The following TMEM164 variants were observed in gnomAD, a reference collection of about 807,000 sequenced individuals.
The protein encoded by TMEM164 is transmembrane protein 164.
Under a neutral mutation model 18.8 loss-of-function variants are expected in TMEM164, and 4 were observed. That is an observed-to-expected ratio of 0.21 (90% CI 0.10 to 0.49). The LOEUF (loss-of-function observed/expected upper bound fraction) is 0.49, where lower values mean the gene tolerates loss of function less well. Among genes scored for constraint, TMEM164 ranks in the 20% least tolerant of loss-of-function variants. The pLI, the probability that TMEM164 is intolerant of heterozygous loss-of-function variation, is 0.98. For synonymous variants in TMEM164, 86 were observed against 101.7 expected (o/e 0.85, Z 0.93); for missense variants, 108 against 239.9 (o/e 0.45, Z 3.63).
At chrX:110,114,376 G>C (rs2147988662) in intron 4 of TMEM164, among the ~76,000 whole-genome samples, 1 of 111,972 alleles carries the variant, frequency 8.9e-6, no homozygotes, top group South Asian at 3.7e-4. Context: ...TAGTGTGTGA[G>C]TTCCTTGTTA....
downstream of TMEM164, among the ~76,000 whole-genome samples, chrX:110,183,383 A>C (rs941872397): frequency 8.9e-6 from 1 of 112,338 alleles, no homozygotes; most frequent in Non-Finnish European, 1.9e-5. Flanking sequence ...TAAAATCTTC[A>C]ATTATAGTTG....
At chrX:110,114,325 G>C (rs1245347230) in intron 4 of TMEM164, among the ~76,000 whole-genome samples, 1 of 111,801 alleles carries the variant, frequency 8.9e-6, no homozygotes. Context: ...TTCCTGCCTA[G>C]GCTACAAATA....
intron 2 of TMEM164, among the ~76,000 whole-genome samples, chrX:110,061,710 G>A (rs937627228): frequency 8.9e-6 from 1 of 111,988 alleles, no homozygotes; most frequent in African/African-American, 3.2e-5. Flanking sequence ...CTTGAGGGAA[G>A]CTTCTTTATA....
At chrX:110,145,061 G>T in intron 5 of TMEM164, among the ~76,000 whole-genome samples, 185 bp downstream of exon 5, 1 of 111,049 alleles carries the variant, frequency 9.0e-6, no homozygotes, top group South Asian at 3.9e-4. Flanking sequence ...CCTGCAAGGG[G>T]TCTGGGGACT....
chrX:110,071,465 A>G (rs1008114410), intron 3 of TMEM164, among the ~76,000 whole-genome samples: 1 of 110,450 alleles, frequency 9.1e-6, no homozygotes, highest in Admixed American at 9.8e-5. Context: ...ACACCCGCTG[A>G]TCATAGTATA....
At chrX:110,029,601 C>A (rs1934355019) in intron 2 of TMEM164, among the ~76,000 whole-genome samples, 1 of 112,282 alleles carries the variant, frequency 8.9e-6, no homozygotes, top group African/African-American at 3.2e-5. Flanking sequence ...GAAATGATGT[C>A]AGCTATTCCC....
chrX:110,044,265 T>C (rs1186391053), intron 2 of TMEM164, among the ~76,000 whole-genome samples: 1 of 112,977 alleles, frequency 8.9e-6, no homozygotes, highest in Admixed American at 9.3e-5. Context: ...GCCCTGGTCT[T>C]TGAAACTCTA....
chrX:110,096,700 A>G (rs995288131), intron 3 of TMEM164, among the ~76,000 whole-genome samples: 1 of 111,956 alleles, frequency 8.9e-6, no homozygotes, highest in African/African-American at 3.2e-5. Flanking sequence ...CTGTCCAACA[A>G]TCCCCAGTGA....
chrX:110,067,814 C>G (rs933079660), intron 3 of TMEM164, among the ~76,000 whole-genome samples: 1 of 112,281 alleles, frequency 8.9e-6, no homozygotes, highest in East Asian at 2.8e-4. Flanking sequence ...GGTTTTCCCC[C>G]CTAAAGTGCA....
At position 110,003,696 on chromosome X, in the gene TMEM164, A is replaced by ACCACC. The variant is rs899144242; in HGVS notation, c.-77_-73dup. 1.8e-6 allele frequency: 2 copies of ACCACC among 1,101,544 alleles called. No individual in the cohort carries two copies. Among genetic ancestry groups the ACCACC allele is most frequent in the Non-Finnish European group, 2.4e-6 (2 of 831,846 alleles). 90.8% of individuals were successfully genotyped at this position (1,101,544 alleles called of 1,213,427 possible). The stretch of plus-strand genomic sequence containing the variant: ...GGGGTGTGCCCGCCTTACATGGTCC[A>ACCACC]CCACCCGGGCAACCCTCTGGGCTTG... On this transcript the variant is annotated 5_prime_UTR_variant, in exon 2 of 7. Coordinates refer to ENST00000372068, the MANE Select transcript of TMEM164 (RefSeq NM_032227.4).
At chrX:110,030,564 A>T (rs1488885161) in intron 2 of TMEM164, among the ~76,000 whole-genome samples, 1 of 108,525 alleles carries the variant, frequency 9.2e-6, no homozygotes, top group African/African-American at 3.4e-5. Flanking sequence ...CACACCTGTA[A>T]TCCCAGCACT....
chrX:110,083,765 T>C (rs959454808), intron 3 of TMEM164, among the ~76,000 whole-genome samples: 1 of 111,855 alleles, frequency 8.9e-6, no homozygotes, highest in Admixed American at 9.5e-5. Flanking sequence ...AGATCATCCC[T>C]GGATAGTTGA....
chrX:110,075,927 C>T (rs924185637), intron 3 of TMEM164, among the ~76,000 whole-genome samples: 20 of 108,848 alleles, frequency 1.8e-4, no homozygotes, highest in African/African-American at 5.0e-4. Context: ...TTTCTTTTTT[C>T]ACTGTGTCTT....
chrX:110,135,160 G>T (rs943722203), intron 4 of TMEM164, among the ~76,000 whole-genome samples: 3 of 110,137 alleles, frequency 2.7e-5, no homozygotes, highest in African/African-American at 9.9e-5. Context: ...CCAGTTTGGG[G>T]AATAGTAACT....
chrX:110,035,076 G>T (rs1327656854), intron 2 of TMEM164, among the ~76,000 whole-genome samples: 3 of 69,399 alleles, frequency 4.3e-5, no homozygotes, highest in South Asian at 1.3e-3. Flanking sequence ...GTTGTGGGGT[G>T]GGGGGAGGGG....
At chrX:110,116,862 G>A (rs930085750) in intron 4 of TMEM164, among the ~76,000 whole-genome samples, 133 of 100,718 alleles carry the variant, frequency 1.3e-3, no homozygotes, top group African/African-American at 4.0e-3. Context: ...GCGCGTGTGC[G>A]TGTGTGTGTG....
intron 2 of TMEM164, among the ~76,000 whole-genome samples, chrX:110,021,039 T>A (rs866904358): frequency 3.0e-4 from 31 of 103,793 alleles, no homozygotes; most frequent in Admixed American, 5.3e-4. Flanking sequence ...GAGCACATTT[T>A]AAAAATCTGG....
chrX:110,069,576 T>G (rs2065553355), intron 3 of TMEM164, among the ~76,000 whole-genome samples: 1 of 109,370 alleles, frequency 9.1e-6, no homozygotes, highest in Non-Finnish European at 1.9e-5. Flanking sequence ...TTGACTTTTT[T>G]TTTTTTTTTT....
At chrX:110,121,734 CAG>C (rs760088509) in intron 4 of TMEM164, among the ~76,000 whole-genome samples, 1 of 112,137 alleles carries the variant, frequency 8.9e-6, no homozygotes, top group East Asian at 2.8e-4. Flanking sequence ...AATGATAACT[CAG>C]TGTTTAAACT....
Sources: allele counts gnomAD v4.1 joint callset (sites outside exome capture counted in the v4.1 genomes callset), GRCh38; gene constraint gnomAD v4.1.1; transcripts MANE v1.5; gene names NCBI Gene and HGNC (gene_info 2026-07-23, HGNC 2026-07-21).